SLC26A5: variants seen among roughly 807,000 people sequenced by gnomAD.
SLC26A5 encodes prestin.
In SLC26A5, 51 loss-of-function variants were observed where a neutral mutation model predicts 81.0. That is an observed-to-expected ratio of 0.63 (90% CI 0.50 to 0.80). The LOEUF (loss-of-function observed/expected upper bound fraction) is 0.80. Ranked by LOEUF, SLC26A5 falls within the 30% of genes least tolerant of loss-of-function variation. SLC26A5 has a pLI of 0.00. For synonymous variants in SLC26A5, 325 were observed against 332.8 expected, an observed-to-expected ratio of 0.98 and a Z score of 0.25; for missense variants, 771 against 905.8, an observed-to-expected ratio of 0.85 and a Z score of 1.91.
chr7:103,383,889 C>T (rs969206016), intron 14 of SLC26A5, among the ~76,000 whole-genome samples: 1 of 152,106 alleles, frequency 6.6e-6, no homozygotes, highest in Non-Finnish European at 1.5e-5. Context: ...CAACTGTAAT[C>T]CCAGCACTTT....
intron 19 of SLC26A5, among the ~76,000 whole-genome samples, chr7:103,365,359 CGGTG>C (rs1398166492): frequency 6.6e-6 from 1 of 152,132 alleles, no homozygotes; most frequent in Non-Finnish European, 1.5e-5. Context: ...AGGCCAGGCA[CGGTG>C]GCTCATGCCT....
At chr7:103,390,603 G>T in intron 11 of SLC26A5, 97 bp from the exon 12 acceptor site, 1 of 957,556 alleles carries the variant, frequency 1.0e-6, no homozygotes, top group Non-Finnish European at 1.7e-6. Context: ...ACTATGGGAA[G>T]ATCAAGAAAA....
At chr7:103,362,363 T>C in intron 19 of SLC26A5, 2 of 1,348,712 alleles carry the variant, frequency 1.5e-6, no homozygotes, top group Non-Finnish European at 1.9e-6. Context: ...ATGGTATAGG[T>C]TGGGGGAGTA....
At position 103,367,376 on chromosome 7, in the gene SLC26A5, G is replaced by A. The variant is rs1820771349; in HGVS notation, c.2041+9432C>T. ...GTCATGCATAGTGCTACTCTTGAGT[G>A]GACTTGAAGAGCTTATCTTTCCTTT... On this transcript the variant is annotated intron_variant, in intron 19 of 19. Transcript: ENST00000339444. This position sits in a 1 kb window ranked among gnomAD's most constrained non-coding sequence, Gnocchi z 6.1. 2.5e-6 allele frequency: 4 copies of A among 1,601,258 alleles called. No homozygotes were observed. Among genetic ancestry groups the A allele is most frequent in the Non-Finnish European group, 1.7e-6 (2 of 1,170,178 alleles).
intron 4 of SLC26A5, 146 bp downstream of exon 4, chr7:103,420,592 A>G (rs1825270066): frequency 6.1e-6 from 7 of 1,143,836 alleles, no homozygotes; most frequent in Non-Finnish European, 8.8e-6. Flanking sequence ...TAAGGATTAC[A>G]TGTTTCTGAA....
At chr7:103,376,993 T>A (rs1004524286) in intron 18 of SLC26A5, 131 bp from the exon 19 acceptor site, 4 of 653,626 alleles carry the variant, frequency 6.1e-6, no homozygotes, top group Non-Finnish European at 1.1e-5. Context: ...TCAATAATGA[T>A]GTATTTTTGA....
Position 103,363,505 on chromosome 7 carries a change from A to C in SLC26A5, c.2042-10579T>G, listed in dbSNP as rs1454995342. 2.9e-6 allele frequency: 4 copies of C among 1,392,800 alleles called. No homozygotes were observed. The African/African-American group carries it at 5.7e-5, about 20-fold the overall frequency. The allele number at this position is 1,392,800 out of a possible 1,614,324, so 86.3% of individuals were successfully genotyped here. ...GATGTCTTTTGTGTATTGAGCACTA[A>C]AATTGCTTGTATATTAGATGGCTTT... On this transcript the variant is annotated intron_variant, in intron 19 of 19. Transcript: ENST00000339444.
chr7:103,401,730 T>C (rs1479593215), intron 8 of SLC26A5, among the ~76,000 whole-genome samples: 2 of 152,088 alleles, frequency 1.3e-5, no homozygotes, highest in African/African-American at 4.8e-5. Flanking sequence ...TTTGATATGT[T>C]CCATCAATAC....
At chr7:103,359,300 C>G (rs1820238887) in intron 19 of SLC26A5, among the ~76,000 whole-genome samples, 1 of 151,546 alleles carries the variant, frequency 6.6e-6, no homozygotes, top group African/African-American at 2.4e-5. Flanking sequence ...GCCCAGCCAG[C>G]TTATGAATTT....
At chr7:103,440,761 T>C (rs1466882495) in intron 2 of SLC26A5, among the ~76,000 whole-genome samples, 1 of 152,202 alleles carries the variant, frequency 6.6e-6, no homozygotes, top group Non-Finnish European at 1.5e-5. Flanking sequence ...GTTTTGTAGG[T>C]CTGCATTGGA....
At chr7:103,371,818 C>T (rs1297675436), downstream of SLC26A5, among the ~76,000 whole-genome samples, 1 of 151,706 alleles carries the variant, frequency 6.6e-6, no homozygotes, top group East Asian at 1.9e-4. Flanking sequence ...GCCTCAGCCT[C>T]CCGAGTAGCT....
At chr7:103,439,644 G>A (rs926847224) in intron 2 of SLC26A5, among the ~76,000 whole-genome samples, 2 of 151,986 alleles carry the variant, frequency 1.3e-5, no homozygotes, top group Non-Finnish European at 2.9e-5. Flanking sequence ...AGTGATTCTG[G>A]CACCTCAGCC....
Position 103,439,862 on chromosome 7 carries a change from C to T in SLC26A5, c.-54+3221G>A, listed in dbSNP as rs139374700. Among the ~76,000 whole-genome samples the T allele has an allele frequency of 4.2e-3, 646 of 152,274 alleles. 6 individuals carry two copies. The highest frequency in any genetic ancestry group is 0.015 in the African/African-American group (612 of 41,560). ...CTTGCTGTTTTATGAACATGCCAAG[C>T]ACTTGTCTGCCTCAGGGCCTTTGCA... is the stretch of plus-strand genomic sequence containing the variant. On this transcript the variant is annotated intron_variant, in intron 2 of 19. Transcript: ENST00000306312.
intron 4 of SLC26A5, among the ~76,000 whole-genome samples, chr7:103,420,357 A>G (rs1365497812): frequency 7.6e-6 from 1 of 132,032 alleles, no homozygotes; most frequent in Non-Finnish European, 1.5e-5. Context: ...GTGAAGTAGT[A>G]TGATCATAGC....
chr7:103,429,664 G>C (rs1488992614), intron 2 of SLC26A5, among the ~76,000 whole-genome samples: 4 of 152,124 alleles, frequency 2.6e-5, no homozygotes. Flanking sequence ...ATTAATTATA[G>C]TGGCTCAATA....
At chr7:103,378,326 G>T in intron 17 of SLC26A5, 120 bp downstream of exon 17, 1 of 922,278 alleles carries the variant, frequency 1.1e-6, no homozygotes, top group Non-Finnish European at 1.8e-6. Flanking sequence ...ATACTAAGGT[G>T]GTTTCTAAAC....
At chr7:103,443,011 G>A (rs546851900) in intron 2 of SLC26A5, 72 bp downstream of exon 2, 1 of 152,312 alleles carries the variant, frequency 6.6e-6, no homozygotes, top group South Asian at 2.1e-4. Context: ...GGAATCCTTT[G>A]ATCTGGATAA....
chr7:103,378,505 G>A lies in SLC26A5; in HGVS notation c.1726C>T (p.Arg576Trp), dbSNP rs766271938. 9.9e-6 allele frequency: 16 copies of A among 1,613,974 alleles called. No homozygotes were observed. The highest frequency in any genetic ancestry group is 3.3e-4 in the Middle Eastern group (2 of 6,082). Residue 576 changes from arginine to tryptophan, a missense_variant, in exon 17 of 20, where the codon CGG becomes TGG. By Grantham distance (101) the Arg-to-Trp change is moderately radical (BLOSUM62 -3). Transcript: ENST00000306312. ...VIMGARRKAM[R>W]KYAKEVGNAN... is the part of the protein sequence containing the mutation. The stretch of plus-strand genomic sequence containing the variant: ...TTTCCGACTTCCTTAGCGTACTTCC[G>A]CATGGCCTTTCTCCTTGCTCCCATG...
At chr7:103,400,663 C>G (rs990908302) in intron 8 of SLC26A5, among the ~76,000 whole-genome samples, 1 of 152,146 alleles carries the variant, frequency 6.6e-6, no homozygotes, top group Non-Finnish European at 1.5e-5. Context: ...CTGAATGGTA[C>G]TGCCTAGGTT....
Sources: gnomAD v4.1 joint callset for allele counts (sites outside exome capture counted in the v4.1 genomes callset) on GRCh38, gnomAD v4.1.1 for gene constraint, Gnocchi (gnomAD v3.1) non-coding constraint, MANE v1.5 for transcripts, NCBI Gene and HGNC (gene_info 2026-07-23, HGNC 2026-07-21) for gene names.